Variants in EYS observed in about 807,000 individuals in gnomAD.
EYS encodes the protein EGF-like photoreceptor maintenance factor.
A neutral mutation model predicts 282.1 loss-of-function variants in EYS; 250 were observed. That is an observed-to-expected ratio of 0.89 (90% CI 0.80 to 0.98). The LOEUF (loss-of-function observed/expected upper bound fraction) is 0.98. Ranked by LOEUF, EYS falls within the 50% of genes least tolerant of loss-of-function variation. The pLI, the probability that EYS is intolerant of heterozygous loss-of-function variation, is 0.00. For missense variants in EYS, 4,016 were observed against 3,709.0 expected, an observed-to-expected ratio of 1.08 and a Z score of -2.15; for synonymous variants, 1,355 against 1,282.9, an observed-to-expected ratio of 1.06 and a Z score of -1.20.
At chr6:64,935,130 A>C (rs1768864533) in intron 15 of EYS, among the ~76,000 whole-genome samples, 2 of 151,836 alleles carry the variant, frequency 1.3e-5, no homozygotes, top group African/African-American at 4.8e-5. Context: ...TCAACCATTA[A>C]AAATTTTCTA....
At chr6:64,619,591 G>A (rs1767381377) in intron 23 of EYS, among the ~76,000 whole-genome samples, 1 of 152,172 alleles carries the variant, frequency 6.6e-6, no homozygotes, top group Admixed American at 6.5e-5. Context: ...CTCCCAAAGA[G>A]ACTGGGAAAT....
At chr6:65,240,396 A>C (rs1483906593) in intron 12 of EYS, among the ~76,000 whole-genome samples, 2 of 152,032 alleles carry the variant, frequency 1.3e-5, no homozygotes, top group Non-Finnish European at 2.9e-5. Context: ...TGAACATCGT[A>C]CCTAATGGTA....
intron 12 of EYS, among the ~76,000 whole-genome samples, chr6:65,119,765 G>A (rs12209294): frequency 0.04 from 6,121 of 151,862 alleles, 178 homozygotes; most frequent in South Asian, 0.066. Context: ...TACTTGGGAG[G>A]CTGAGGTGGG....
At chr6:65,584,707 C>G (rs913881403) in intron 2 of EYS, among the ~76,000 whole-genome samples, 2 of 151,768 alleles carry the variant, frequency 1.3e-5, no homozygotes, top group African/African-American at 4.8e-5. Flanking sequence ...TCCAGTCTTA[C>G]AATAACATCT....
At chr6:65,443,333 T>C (rs535249168) in intron 5 of EYS, among the ~76,000 whole-genome samples, 4 of 130,172 alleles carry the variant, frequency 3.1e-5, no homozygotes, top group East Asian at 2.9e-4. Flanking sequence ...TATGCATACA[T>C]GTATGTACAC....
intron 37 of EYS, among the ~76,000 whole-genome samples, chr6:63,800,485 C>A (rs1271406719): frequency 2.6e-5 from 4 of 152,140 alleles, no homozygotes; most frequent in Non-Finnish European, 5.9e-5. Flanking sequence ...CAATGAACTG[C>A]AGTGAGATTA....
At chr6:65,309,376 C>G (rs1268379683) in intron 11 of EYS, among the ~76,000 whole-genome samples, 1 of 152,132 alleles carries the variant, frequency 6.6e-6, no homozygotes, top group African/African-American at 2.4e-5. Flanking sequence ...GCATCTATAG[C>G]TGCCTTAAAG....
intron 22 of EYS, among the ~76,000 whole-genome samples, chr6:64,665,338 G>A (rs1562121951): frequency 6.6e-6 from 1 of 152,180 alleles, no homozygotes. Context: ...ATTGTTGTAA[G>A]TGCTTTGAGT....
intron 7 of EYS, among the ~76,000 whole-genome samples, chr6:65,385,212 T>A (rs9345615): frequency 0.2 from 30,827 of 151,786 alleles, 3,919 homozygotes; most frequent in Non-Finnish European, 0.27. Flanking sequence ...AAACACCAAA[T>A]ATTTTAAGAC....
intron 12 of EYS, among the ~76,000 whole-genome samples, chr6:65,183,379 A>G (rs1765439100): frequency 1.3e-5 from 2 of 151,938 alleles, no homozygotes. Context: ...ATTTCACCAG[A>G]ATTTTTAAAG....
chr6:64,629,468 A>G (rs1045940713), intron 22 of EYS, among the ~76,000 whole-genome samples: 3 of 152,174 alleles, frequency 2.0e-5, no homozygotes, highest in African/African-American at 7.2e-5. Context: ...AAGTTGTAAG[A>G]AACAATATCT....
At chr6:64,778,149 G>A (rs909524304) in intron 22 of EYS, among the ~76,000 whole-genome samples, 3 of 152,094 alleles carry the variant, frequency 2.0e-5, no homozygotes, top group Non-Finnish European at 4.4e-5. Context: ...ACTTGGACAG[G>A]AGCGAATGCC....
At chr6:65,163,775 A>G (rs1376518000) in intron 12 of EYS, among the ~76,000 whole-genome samples, 1 of 151,334 alleles carries the variant, frequency 6.6e-6, no homozygotes, top group African/African-American at 2.4e-5. Flanking sequence ...AAAGCTATAT[A>G]AAGTTCAAAT....
chr6:65,423,924 T>C (rs1767563088), intron 5 of EYS, among the ~76,000 whole-genome samples: 1 of 152,024 alleles, frequency 6.6e-6, no homozygotes, highest in African/African-American at 2.4e-5. Flanking sequence ...AATAAATAAA[T>C]CCCATCCATT....
At chr6:65,428,210 C>A (rs924272282) in intron 5 of EYS, among the ~76,000 whole-genome samples, 6 of 151,830 alleles carry the variant, frequency 4.0e-5, no homozygotes, top group African/African-American at 1.2e-4. Flanking sequence ...TGAACATTGA[C>A]CCAGTTATTC....
intron 22 of EYS, among the ~76,000 whole-genome samples, chr6:64,680,277 C>T (rs915170): frequency 0.95 from 144,906 of 152,266 alleles, 69,350 homozygotes; most frequent in East Asian, 1. Flanking sequence ...AGCTTCCCTG[C>T]TGATGCCATC....
chr6:64,163,297 C>T (rs1775165267), intron 31 of EYS, among the ~76,000 whole-genome samples: 1 of 151,992 alleles, frequency 6.6e-6, no homozygotes, highest in Admixed American at 6.6e-5. Flanking sequence ...ATTATTAGCT[C>T]TTATTTCAAT....
chr6:65,054,222 C>T (rs1026262365), intron 13 of EYS, among the ~76,000 whole-genome samples: 7 of 151,854 alleles, frequency 4.6e-5, no homozygotes, highest in African/African-American at 1.7e-4. Context: ...GTACCTTAAC[C>T]TTAGTGGTGT....
At chr6:64,224,847 T>A (rs1236696552) in intron 31 of EYS, among the ~76,000 whole-genome samples, 1 of 151,670 alleles carries the variant, frequency 6.6e-6, no homozygotes, top group East Asian at 1.9e-4. Flanking sequence ...TTTTTTTTTG[T>A]GTTGAAATAA....
Sources: gnomAD v4.1 joint callset for allele counts (sites outside exome capture counted in the v4.1 genomes callset) on GRCh38, gnomAD v4.1.1 for gene constraint, MANE v1.5 for transcripts, NCBI Gene and HGNC (gene_info 2026-07-23, HGNC 2026-07-21) for gene names.